NINL: variants seen among roughly 807,000 people sequenced by gnomAD.
The protein encoded by NINL is ninein-like protein.
In NINL, 153 loss-of-function variants were observed where a neutral mutation model predicts 160.3. The ratio of observed to expected loss-of-function variants is 0.95; its 90% CI spans 0.84 to 1.09. The LOEUF is 1.09. NINL is among the 50% of genes least tolerant of loss of function. NINL has a pLI of 0.00. For missense variants in NINL, 1,829 were observed against 1,764.0 expected (o/e 1.04, Z -0.66); for synonymous variants, 800 against 734.8 (o/e 1.09, Z -1.43).
intron 8 of NINL, chr20:25,499,055 G>A: frequency 2.0e-6 from 2 of 985,460 alleles, no homozygotes; most frequent in South Asian, 4.7e-5. Flanking sequence ...CAAACGCCCT[G>A]CTCAGGCCGG....
intron 1 of NINL, among the ~76,000 whole-genome samples, chr20:25,532,404 C>T (rs530390619): frequency 1.3e-5 from 2 of 152,382 alleles, no homozygotes; most frequent in South Asian, 4.1e-4. Flanking sequence ...CAGCGGTCCC[C>T]TCTGGCCCTG....
intron 17 of NINL, among the ~76,000 whole-genome samples, chr20:25,472,347 A>ATATATATATG (rs2063120474): frequency 7.3e-6 from 1 of 137,230 alleles, no homozygotes; most frequent in African/African-American, 2.7e-5. Flanking sequence ...ATATATATAT[A>ATATATATATG]TATATATATA....
Position 25,505,009 on chromosome 20 carries a change from G to T in NINL, c.587C>A (p.Thr196Asn), listed in dbSNP as rs755896519. 13 of 1,613,648 alleles carry T rather than the reference G, an allele frequency of 8.1e-6. No homozygotes were observed. Among genetic ancestry groups the T allele is most frequent in the South Asian group, 2.2e-5 (2 of 90,986 alleles). The change falls in exon 6 of 24, where the codon ACC (threonine) becomes AAC (asparagine). Residue 196 changes from threonine (T) to asparagine (N), a missense_variant. Physicochemically the swap from Thr to Asn is moderately conservative, Grantham distance 65. Coordinates refer to ENST00000278886, the MANE Select transcript of NINL (RefSeq NM_025176.6). ...CACGCCCCGGATCTGGCTCTCTGGG[G>T]TGTCAAAGGAGGGGCTGCAGGACTT... ...PQKSCSPSFD[T>N]PESQIRGVWE...
At chr20:25,502,035 G>T (rs1054084130) in intron 7 of NINL, among the ~76,000 whole-genome samples, 1 of 152,160 alleles carries the variant, frequency 6.6e-6, no homozygotes, top group African/African-American at 2.4e-5. Context: ...ACGCTGGAGT[G>T]CAGTGATGCG....
Position 25,476,193 on chromosome 20 carries a change from C to G in NINL, c.3098G>C (p.Gly1033Ala). ...PSHLQLADPQ[G>A]SWQEQLAAPE... ...GGCAGCAAGCTGCTCCTGCCAGGAA[C>G]CCTGCGGGTCTGCGAGCTGGAGGTG... Residue 1033 changes from glycine to alanine, a missense_variant, in exon 17 of 24, where the codon GGT becomes GCT. By Grantham distance (60) the Gly-to-Ala change is moderately conservative (BLOSUM62 0). Coordinates refer to ENST00000278886, the MANE Select transcript of NINL (RefSeq NM_025176.6). 7 of 1,614,218 alleles carry G rather than the reference C, an allele frequency of 4.3e-6. No homozygotes were observed. The highest frequency in any genetic ancestry group is 5.9e-6 in the Non-Finnish European group (7 of 1,180,046).
At chr20:25,508,622 GAC>G (rs2064007474) in intron 5 of NINL, among the ~76,000 whole-genome samples, 2 of 152,350 alleles carry the variant, frequency 1.3e-5, no homozygotes, top group African/African-American at 4.8e-5. Flanking sequence ...CCTACAAGGG[GAC>G]ACACGCAATG....
chr20:25,488,100 T>G (rs2063540156), intron 13 of NINL, among the ~76,000 whole-genome samples: 1 of 152,182 alleles, frequency 6.6e-6, no homozygotes, highest in Non-Finnish European at 1.5e-5. Context: ...AATCACTCTG[T>G]GTCATACAGC....
At chr20:25,518,825 T>C (rs1054675085) in intron 2 of NINL, among the ~76,000 whole-genome samples, 1 of 151,924 alleles carries the variant, frequency 6.6e-6, no homozygotes, top group African/African-American at 2.4e-5. Flanking sequence ...TGGCCAGGCA[T>C]GGTTGCTCAT....
chr20:25,469,958 C>T, intron 18 of NINL, 33 bp downstream of exon 18: 1 of 1,535,514 alleles, frequency 6.5e-7, no homozygotes, highest in East Asian at 2.3e-5. Context: ...AAAACGCACC[C>T]CCAGAAGGTC....
At position 25,476,475 on chromosome 20, in the gene NINL, C is replaced by T. The variant is rs766474048; in HGVS notation, c.2816G>A (p.Arg939Gln). 18 of 1,606,244 alleles carry T rather than the reference C, an allele frequency of 1.1e-5. No individual in the cohort carries two copies. Among genetic ancestry groups the T allele is most frequent in the Non-Finnish European group, 1.5e-5 (18 of 1,179,864 alleles). ...CTCTGTTCCCAGCAGAGGCAGCTCC[C>T]GGGCTCCAGGCTGCTCCAGCCCCGC... The part of the protein sequence containing the change: ...SAAGLEQPGA[R>Q]ELPLLGTERD... The change falls in exon 17 of 24, where the codon CGG becomes CAG. Residue 939 changes from arginine to glutamine, a missense_variant. Physicochemically the swap from Arg to Gln is conservative, Grantham distance 43. Coordinates refer to ENST00000278886, the MANE Select transcript of NINL (RefSeq NM_025176.6).
chr20:25,540,106 T>C, intron 1 of NINL: 1 of 1,195,534 alleles, frequency 8.4e-7, no homozygotes. Context: ...CTGCATAAAA[T>C]GTTTGCATGT....
In NINL at chr20:25,489,955, C is replaced by T. The variant is rs780195973; in HGVS notation, c.1516G>A (p.Glu506Lys). ...ENSRLQKEIV[E>K]VVEKLSDSER... Reference sequence around the variant, plus strand: ...GAATCCGAAAGCTTTTCCACCACTTCCACAATCTCCTTCTGTAGGCGACTG... The same window carrying T: ...GAATCCGAAAGCTTTTCCACCACTTTCACAATCTCCTTCTGTAGGCGACTG... The change falls in exon 12 of 24, where the codon GAA (glutamate) becomes AAA (lysine). Residue 506 changes from glutamate to lysine, a missense_variant. By Grantham distance (56) the Glu-to-Lys change is moderately conservative. Transcript: ENST00000278886. 6.2e-7 allele frequency: 1 copy of T among 1,614,196 alleles called. No individual in the cohort carries two copies. Among genetic ancestry groups the T allele is most frequent in the East Asian group, 2.2e-5 (1 of 44,888 alleles).
chr20:25,557,402 A>G (rs1410428104), intron 1 of NINL, among the ~76,000 whole-genome samples: 8 of 152,094 alleles, frequency 5.3e-5, no homozygotes, highest in Non-Finnish European at 1.0e-4. Flanking sequence ...GTGATGGTGC[A>G]TGCCTGTAAT....
intron 8 of NINL, chr20:25,499,068 G>T: frequency 1.0e-6 from 1 of 985,468 alleles, no homozygotes; most frequent in Non-Finnish European, 1.2e-6. Flanking sequence ...CAGGCCGGCG[G>T]CAGGCACCAT....
intron 14 of NINL, 132 bp from the exon 15 acceptor site, chr20:25,480,399 C>T (rs1336482019): frequency 5.9e-6 from 4 of 680,280 alleles, no homozygotes; most frequent in East Asian, 5.4e-5. Flanking sequence ...GATGACGCTG[C>T]GTCCTTAAAG....
intron 1 of NINL, among the ~76,000 whole-genome samples, chr20:25,545,260 T>C (rs1406469851): frequency 4.6e-5 from 7 of 151,592 alleles, no homozygotes; most frequent in Non-Finnish European, 7.4e-5. Flanking sequence ...TGAAGAGGAG[T>C]AGGGACTAAA....
At chr20:25,554,928 G>A (rs186115947) in intron 1 of NINL, among the ~76,000 whole-genome samples, 126 of 152,238 alleles carry the variant, frequency 8.3e-4, no homozygotes, top group Non-Finnish European at 1.3e-3. Flanking sequence ...ATAGCTCCAC[G>A]GGCCTGAATA....
intron 14 of NINL, among the ~76,000 whole-genome samples, chr20:25,481,032 AG>A (rs2063377106): frequency 6.6e-6 from 1 of 152,116 alleles, no homozygotes. Context: ...GGGGTGCCTT[AG>A]GGGTCCCAGG....
intron 1 of NINL, among the ~76,000 whole-genome samples, chr20:25,535,323 C>G (rs2064537801): frequency 2.6e-5 from 4 of 152,074 alleles, no homozygotes; most frequent in Admixed American, 2.6e-4. Context: ...TGAATAAGTT[C>G]TGGCGATCTA....
Sources: allele counts gnomAD v4.1 joint callset (sites outside exome capture counted in the v4.1 genomes callset), GRCh38; gene constraint gnomAD v4.1.1; transcripts MANE v1.5; gene names NCBI Gene and HGNC (gene_info 2026-07-23, HGNC 2026-07-21).